The following GALNTL6 variants were observed in gnomAD, a reference collection of about 807,000 sequenced individuals.
GALNTL6 encodes polypeptide N-acetylgalactosaminyltransferase like 6.
Under a neutral mutation model 73.7 loss-of-function variants are expected in GALNTL6, and 46 were observed. That is an observed-to-expected ratio of 0.62 (90% confidence interval 0.49 to 0.80). The LOEUF (loss-of-function observed/expected upper bound fraction) is 0.80. Ranked by LOEUF, GALNTL6 falls within the 30% of genes least tolerant of loss-of-function variation. The pLI, the probability that GALNTL6 is intolerant of heterozygous loss-of-function variation, is 0.00. For synonymous variants in GALNTL6, 259 were observed against 263.7 expected (o/e 0.98, Z 0.17); for missense variants, 604 against 755.0 (o/e 0.80, Z 2.34).
chr4:172,791,851 A>G (rs1333771214), intron 5 of GALNTL6, among the ~76,000 whole-genome samples: 3 of 152,234 alleles, frequency 2.0e-5, no homozygotes. Context: ...ACTCATTGTC[A>G]GAGAAAACAG....
chr4:172,775,064 A>G (rs931018418), intron 5 of GALNTL6, among the ~76,000 whole-genome samples: 1 of 151,832 alleles, frequency 6.6e-6, no homozygotes, highest in Non-Finnish European at 1.5e-5. Context: ...TGGATGGTCT[A>G]CTGAGTCAAA....
chr4:172,563,492 A>G (rs1736451836), intron 5 of GALNTL6, among the ~76,000 whole-genome samples: 1 of 152,214 alleles, frequency 6.6e-6, no homozygotes, highest in Admixed American at 6.5e-5. Context: ...AATATCCCTC[A>G]GGATATTCTG....
intron 2 of GALNTL6, among the ~76,000 whole-genome samples, chr4:171,821,640 GAT>G (rs3080305): frequency 0.016 from 2,319 of 146,222 alleles, 69 homozygotes; most frequent in African/African-American, 0.056. Flanking sequence ...AGGCTTAACG[GAT>G]ATATATATAT....
intron 2 of GALNTL6, among the ~76,000 whole-genome samples, chr4:172,003,936 G>A (rs1410271918): frequency 3.3e-5 from 5 of 152,132 alleles, no homozygotes; most frequent in Admixed American, 2.0e-4. Flanking sequence ...CTGAATTTAC[G>A]GAAATATTTT....
chr4:172,650,730 G>C (rs1740439395), intron 5 of GALNTL6, among the ~76,000 whole-genome samples: 1 of 152,040 alleles, frequency 6.6e-6, no homozygotes, highest in Non-Finnish European at 1.5e-5. Context: ...AGAATGTAAA[G>C]AATTGACTTT....
At chr4:172,494,117 G>A (rs556780998) in intron 5 of GALNTL6, among the ~76,000 whole-genome samples, 5 of 152,120 alleles carry the variant, frequency 3.3e-5, no homozygotes, top group African/African-American at 1.2e-4. Flanking sequence ...TTTGTATATA[G>A]CAACATAATT....
chr4:172,438,660 G>A (rs1397087915), intron 5 of GALNTL6, among the ~76,000 whole-genome samples: 1 of 151,872 alleles, frequency 6.6e-6, no homozygotes, highest in Non-Finnish European at 1.5e-5. Flanking sequence ...AAAGTGACTA[G>A]AAAAAAATTC....
chr4:172,993,394 G>A (rs1392813569), intron 10 of GALNTL6, among the ~76,000 whole-genome samples: 1 of 152,214 alleles, frequency 6.6e-6, no homozygotes, highest in Non-Finnish European at 1.5e-5. Flanking sequence ...TCTTGTTTAA[G>A]CCACCTAATC....
In GALNTL6 at chr4:171,979,656, T is replaced by A. The variant is rs1403561966; in HGVS notation, c.138+164938T>A. Reference sequence around the variant, plus strand: ...AAGGCAGTTGCCAAGGTTCATGGTGTCTCTGGAGTGGGAGACTATAGCTAA... The same window carrying A: ...AAGGCAGTTGCCAAGGTTCATGGTGACTCTGGAGTGGGAGACTATAGCTAA... On this transcript the variant is annotated intron_variant, in intron 2 of 12. Transcript: ENST00000506823. Among the ~76,000 whole-genome samples, 7 of 152,266 alleles carry A rather than the reference T, an allele frequency of 4.6e-5. No individual in the cohort carries two copies. In the South Asian group the frequency reaches 1.2e-3, roughly 27 times the overall value.
intron 2 of GALNTL6, among the ~76,000 whole-genome samples, chr4:171,929,991 C>G (rs1027100383): frequency 6.6e-6 from 1 of 152,222 alleles, no homozygotes; most frequent in Admixed American, 6.5e-5. Flanking sequence ...TGCACCTGCA[C>G]TTGGCCTGAA....
chr4:172,549,078 C>T (rs6844483), intron 5 of GALNTL6, among the ~76,000 whole-genome samples: 126,645 of 152,142 alleles, frequency 0.83, 52,843 homozygotes, highest in Non-Finnish European at 0.87. Flanking sequence ...CCAGGAATTT[C>T]GACCAATGCC....
At chr4:172,115,372 T>C (rs1024776573) in intron 2 of GALNTL6, among the ~76,000 whole-genome samples, 1 of 152,146 alleles carries the variant, frequency 6.6e-6, no homozygotes, top group African/African-American at 2.4e-5. Context: ...TTTTGAGAAA[T>C]TGTTTTAAGT....
At chr4:171,973,371 T>A (rs1371734034) in intron 2 of GALNTL6, among the ~76,000 whole-genome samples, 1 of 152,174 alleles carries the variant, frequency 6.6e-6, no homozygotes, top group African/African-American at 2.4e-5. Context: ...GACATTAAAA[T>A]GATGGTAGGA....
At chr4:171,926,566 CTTCCATGAATATAAATGAG>C (rs1737990874) in intron 2 of GALNTL6, among the ~76,000 whole-genome samples, 1 of 152,128 alleles carries the variant, frequency 6.6e-6, no homozygotes. Flanking sequence ...CATTCCCTGG[CTTCCATGAATATAAATGAG>C]TTCCCATTTC....
intron 7 of GALNTL6, among the ~76,000 whole-genome samples, chr4:172,836,320 C>T (rs1191430649): frequency 6.6e-6 from 1 of 152,246 alleles, no homozygotes; most frequent in African/African-American, 2.4e-5. Context: ...CACGATCTCA[C>T]AAGCTGTCAG....
At chr4:171,896,150 G>T (rs776218256) in intron 2 of GALNTL6, among the ~76,000 whole-genome samples, 22 of 152,128 alleles carry the variant, frequency 1.4e-4, no homozygotes, top group Admixed American at 1.4e-3. Context: ...TCTAAAATTT[G>T]AATAAAGATT....
intron 8 of GALNTL6, among the ~76,000 whole-genome samples, chr4:172,920,785 T>C (rs1747750809): frequency 6.6e-6 from 1 of 152,232 alleles, no homozygotes; most frequent in Admixed American, 6.5e-5. Flanking sequence ...TTGTCTGGAA[T>C]TAACCTGACT....
Position 172,305,683 on chromosome 4 carries a change from C to T in GALNTL6, c.248-5931C>T, listed in dbSNP as rs944941750. Among the ~76,000 whole-genome samples, 9 of 152,132 alleles carry T rather than the reference C, an allele frequency of 5.9e-5. No homozygotes were observed. The East Asian group carries it at 1.7e-3, about 29-fold the overall frequency. On this transcript the variant is annotated intron_variant, in intron 3 of 12. Coordinates refer to ENST00000506823, the MANE Select transcript of GALNTL6 (RefSeq NM_001034845.3). Reference sequence around the variant, plus strand: ...AGACAATATAAACCTTGAGGCTCTACCTATTAGAACTTAAGATGAGTTGAT... The same window carrying T: ...AGACAATATAAACCTTGAGGCTCTATCTATTAGAACTTAAGATGAGTTGAT...
chr4:171,855,583 T>C (rs1735666212), intron 2 of GALNTL6, among the ~76,000 whole-genome samples: 1 of 152,246 alleles, frequency 6.6e-6, no homozygotes. Context: ...TAAATATTCT[T>C]GCACAGATTT....
Sources: gnomAD v4.1 joint callset for allele counts (sites outside exome capture counted in the v4.1 genomes callset) on GRCh38, gnomAD v4.1.1 for gene constraint, MANE v1.5 for transcripts, NCBI Gene and HGNC (gene_info 2026-07-23, HGNC 2026-07-21) for gene names.